The following SLIT3 variants were observed in gnomAD, a reference collection of about 807,000 sequenced individuals.
The protein encoded by SLIT3 is slit guidance ligand 3, also known as slit homolog 3 protein.
In SLIT3, 68 loss-of-function variants were observed where a neutral mutation model predicts 184.0. The ratio of observed to expected loss-of-function variants is 0.37; its 90% CI spans 0.30 to 0.45. SLIT3 has a LOEUF of 0.45. Ranked by LOEUF, SLIT3 falls within the 20% of genes least tolerant of loss-of-function variation. The probability of loss-of-function intolerance (pLI) is 1.00; values close to 1 mark genes in which losing one functional copy is unlikely to be tolerated. For synonymous variants in SLIT3, 831 were observed against 828.6 expected (o/e 1.00, Z -0.05); for missense variants, 1,707 against 2,026.0 (o/e 0.84, Z 3.02).
At chr5:169,144,589 T>A (rs1419567671) in intron 4 of SLIT3, among the ~76,000 whole-genome samples, 1 of 152,204 alleles carries the variant, frequency 6.6e-6, no homozygotes, top group Non-Finnish European at 1.5e-5. Context: ...GGAAGGTGTG[T>A]TTAGAATGAC....
At chr5:169,233,960 T>A (rs925852021) in intron 3 of SLIT3, among the ~76,000 whole-genome samples, 4 of 152,332 alleles carry the variant, frequency 2.6e-5, no homozygotes, top group Admixed American at 2.0e-4. Context: ...TGCTGTAGGT[T>A]TTTTAGGTAA....
intron 4 of SLIT3, among the ~76,000 whole-genome samples, chr5:169,029,098 G>A (rs1756935041): frequency 6.6e-6 from 1 of 152,182 alleles, no homozygotes; most frequent in Admixed American, 6.5e-5. Context: ...AAACACCCCA[G>A]TTGCAAATTC....
intron 4 of SLIT3, among the ~76,000 whole-genome samples, chr5:169,157,484 C>T (rs982835959): frequency 1.3e-5 from 2 of 152,178 alleles, no homozygotes; most frequent in African/African-American, 4.8e-5. Flanking sequence ...TCCCCTCCCC[C>T]CAGGTATCAG....
At chr5:169,294,784 C>T (rs1022880408) in intron 1 of SLIT3, among the ~76,000 whole-genome samples, 12 of 152,270 alleles carry the variant, frequency 7.9e-5, no homozygotes, top group Admixed American at 2.0e-4. Flanking sequence ...GCCTACTATA[C>T]GTCTAGGCTA....
At chr5:168,974,983 A>C (rs1251514159) in intron 4 of SLIT3, among the ~76,000 whole-genome samples, 1 of 152,114 alleles carries the variant, frequency 6.6e-6, no homozygotes, top group Non-Finnish European at 1.5e-5. Flanking sequence ...CTGGTCTATC[A>C]CCATTCTCGC....
chr5:168,679,037 T>C (rs894406208), intron 32 of SLIT3, among the ~76,000 whole-genome samples: 1 of 152,102 alleles, frequency 6.6e-6, no homozygotes, highest in Non-Finnish European at 1.5e-5. Flanking sequence ...TTGGCCAGAG[T>C]GGCCCATGGC....
At position 168,760,921 on chromosome 5, in the gene SLIT3, A is replaced by G. The variant is rs758593133; in HGVS notation, c.1626T>C (p.Asn542=). The G allele has an allele frequency of 1.2e-6, 2 of 1,613,020 alleles. No individual in the cohort carries two copies. The highest frequency in any genetic ancestry group is 1.1e-5 in the South Asian group (1 of 91,046). Residue 542 remains asparagine (N), a synonymous_variant, in exon 16 of 36, where the codon AAT becomes AAC. Coordinates refer to ENST00000519560, the MANE Select transcript of SLIT3 (RefSeq NM_003062.4). Reference sequence around the variant, plus strand: ...CAGTGGCCTCCAGAACAGATACCTCATTGTCATTCAGTCGCCTGTGTAGGA... The same window carrying G: ...CAGTGGCCTCCAGAACAGATACCTCGTTGTCATTCAGTCGCCTGTGTAGGA... The part of the protein sequence containing the change: ...EYVTDLRLND[N]EVSVLEATGI...
At chr5:169,215,354 C>G (rs958721228) in intron 3 of SLIT3, among the ~76,000 whole-genome samples, 1 of 152,200 alleles carries the variant, frequency 6.6e-6, no homozygotes, top group Non-Finnish European at 1.5e-5. Flanking sequence ...TCTAGGAAGT[C>G]TGTCTGATCC....
At chr5:169,004,559 C>T (rs1044242066) in intron 4 of SLIT3, among the ~76,000 whole-genome samples, 1 of 152,106 alleles carries the variant, frequency 6.6e-6, no homozygotes, top group East Asian at 1.9e-4. Flanking sequence ...GCTCAACAGA[C>T]CTGAGTGAAA....
intron 18 of SLIT3, among the ~76,000 whole-genome samples, chr5:168,750,754 T>C (rs1411900070): frequency 6.6e-6 from 1 of 151,984 alleles, no homozygotes; most frequent in African/African-American, 2.4e-5. Flanking sequence ...TTCGATTCAT[T>C]CCTTTACTCA....
At chr5:169,032,280 T>A (rs539585657) in intron 4 of SLIT3, among the ~76,000 whole-genome samples, 2 of 152,348 alleles carry the variant, frequency 1.3e-5, no homozygotes, top group South Asian at 4.1e-4. Flanking sequence ...ACATTTTTTT[T>A]ATCTCTGTGT....
At chr5:168,839,846 G>C (rs1191643423) in intron 6 of SLIT3, among the ~76,000 whole-genome samples, 1 of 152,156 alleles carries the variant, frequency 6.6e-6, no homozygotes, top group East Asian at 1.9e-4. Context: ...ACACGGGTGA[G>C]GAGTCCCAAA....
At chr5:169,077,366 T>C (rs1047719856) in intron 4 of SLIT3, among the ~76,000 whole-genome samples, 1 of 151,922 alleles carries the variant, frequency 6.6e-6, no homozygotes, top group African/African-American at 2.4e-5. Context: ...TGAAAACCCG[T>C]CTCTACTGAA....
intron 3 of SLIT3, among the ~76,000 whole-genome samples, chr5:169,198,089 C>T (rs1462538599): frequency 1.3e-5 from 2 of 152,196 alleles, no homozygotes; most frequent in Admixed American, 1.3e-4. Context: ...TTCACTCATC[C>T]GTCCAACCAC....
At chr5:168,811,540 T>C (rs753125037) in intron 8 of SLIT3, among the ~76,000 whole-genome samples, 2 of 152,100 alleles carry the variant, frequency 1.3e-5, no homozygotes, top group Non-Finnish European at 2.9e-5. Flanking sequence ...TCTCAAGAGG[T>C]AGGAAGAGCA....
intron 14 of SLIT3, among the ~76,000 whole-genome samples, chr5:168,763,473 G>A (rs186769561): frequency 6.6e-6 from 1 of 152,202 alleles, no homozygotes; most frequent in East Asian, 1.9e-4. Flanking sequence ...GGTCAGATTT[G>A]GCCTCTGTTT....
rs957313475 is a variant in SLIT3 at position 168,665,055 on chromosome 5, C to T, written c.*1399G>A. 7.2e-5 allele frequency: 11 copies of T among 152,218 alleles called. No homozygotes were observed. Among genetic ancestry groups the T allele is most frequent in the Non-Finnish European group, 1.0e-4 (7 of 68,056 alleles). 9.4% of individuals were successfully genotyped at this position (152,218 alleles called of 1,614,324 possible). ...GATGGATTTAAGCCGCCTGAATCAC[C>T]TGTGCTCACCCATTCTAGAGGAAGA... On this transcript the variant is annotated 3_prime_UTR_variant, in exon 36 of 36. Transcript: ENST00000519560.
intron 4 of SLIT3, among the ~76,000 whole-genome samples, chr5:169,072,155 A>G (rs1025277016): frequency 7.9e-5 from 12 of 152,128 alleles, no homozygotes; most frequent in Admixed American, 4.6e-4. Flanking sequence ...GCAGTGATGG[A>G]GGTATGGGGG....
At chr5:169,114,817 G>A (rs1039405024) in intron 4 of SLIT3, among the ~76,000 whole-genome samples, 18 of 152,338 alleles carry the variant, frequency 1.2e-4, no homozygotes, top group East Asian at 1.2e-3. Flanking sequence ...CGGCAGAGCC[G>A]GGATTACCCA....
Sources: gnomAD v4.1 joint callset for allele counts (sites outside exome capture counted in the v4.1 genomes callset) on GRCh38, gnomAD v4.1.1 for gene constraint, MANE v1.5 for transcripts, NCBI Gene and HGNC (gene_info 2026-07-23, HGNC 2026-07-21) for gene names.